The following APP variants were observed in gnomAD, a reference collection of about 807,000 sequenced individuals.
APP encodes amyloid beta precursor protein, also known as amyloid-beta precursor protein.
Under a neutral mutation model 101.4 loss-of-function variants are expected in APP, and 31 were observed. The observed-to-expected ratio is 0.31, with a 90% CI of 0.23 to 0.41. The LOEUF (loss-of-function observed/expected upper bound fraction) is 0.41. Ranked by LOEUF, APP falls within the 10% of genes least tolerant of loss-of-function variation. The pLI is 1.00. For missense variants in APP, 839 were observed against 1,003.7 expected, an observed-to-expected ratio of 0.84 and a Z score of 2.22; for synonymous variants, 366 against 364.4, an observed-to-expected ratio of 1.00 and a Z score of -0.05.
At chr21:26,101,346 C>A (rs1398833455) in intron 2 of APP, among the ~76,000 whole-genome samples, 1 of 152,108 alleles carries the variant, frequency 6.6e-6, no homozygotes, top group African/African-American at 2.4e-5. Context: ...ACCAGCCCGA[C>A]TCGGCCTCCC....
At chr21:26,004,213 T>C (rs899999508) in intron 6 of APP, among the ~76,000 whole-genome samples, 28 of 151,890 alleles carry the variant, frequency 1.8e-4, no homozygotes, top group Non-Finnish European at 1.0e-4. Context: ...GGGATTAATG[T>C]CAATTTAATA....
intron 1 of APP, among the ~76,000 whole-genome samples, chr21:26,161,151 CAAACA>C (rs1301147864): frequency 6.6e-6 from 1 of 152,030 alleles, no homozygotes; most frequent in Non-Finnish European, 1.5e-5. Flanking sequence ...CATGAGTGAT[CAAACA>C]AATTACTGTA....
At chr21:26,007,728 C>G (rs964140353) in intron 6 of APP, among the ~76,000 whole-genome samples, 4 of 151,920 alleles carry the variant, frequency 2.6e-5, no homozygotes, top group African/African-American at 9.7e-5. Flanking sequence ...AAAGCCAACA[C>G]AATAGAAAAC....
intron 11 of APP, among the ~76,000 whole-genome samples, chr21:25,956,149 G>T (rs1417635177): frequency 6.6e-6 from 1 of 152,110 alleles, no homozygotes; most frequent in Non-Finnish European, 1.5e-5. Context: ...GAAGACCAGA[G>T]GTAATGTCAC....
At chr21:26,009,874 C>T in intron 6 of APP, 1 of 172,250 alleles carries the variant, frequency 5.8e-6, no homozygotes, top group Middle Eastern at 5.0e-4. Context: ...CAGCATGAGC[C>T]ATCGTGCCTG....
At chr21:26,106,082 G>A (rs1010193180) in intron 2 of APP, among the ~76,000 whole-genome samples, 8 of 152,176 alleles carry the variant, frequency 5.3e-5, no homozygotes, top group Admixed American at 5.2e-4. Context: ...AATGCCCATG[G>A]GCAGAACAAA....
chr21:26,123,644 A>C (rs2062621097), intron 1 of APP, among the ~76,000 whole-genome samples: 1 of 152,192 alleles, frequency 6.6e-6, no homozygotes. Flanking sequence ...CAGGAACCAC[A>C]ATACTAGGAG....
intron 1 of APP, among the ~76,000 whole-genome samples, chr21:26,126,870 C>T (rs915828131): frequency 2.0e-5 from 3 of 151,940 alleles, no homozygotes; most frequent in African/African-American, 7.3e-5. Context: ...ATTGGTTGAA[C>T]CAAACAGAGT....
chr21:26,166,278 T>C (rs2063605675), intron 1 of APP, among the ~76,000 whole-genome samples: 1 of 152,182 alleles, frequency 6.6e-6, no homozygotes, highest in South Asian at 2.1e-4. Flanking sequence ...TTCTGGGGTG[T>C]GCTCATTCCT....
chr21:26,125,059 G>A (rs1005291122), intron 1 of APP, among the ~76,000 whole-genome samples: 4 of 152,236 alleles, frequency 2.6e-5, no homozygotes, highest in African/African-American at 9.6e-5. Flanking sequence ...CTTGGAGAAG[G>A]AGAAGGAAGG....
chr21:26,111,047 C>T (rs761988857), intron 2 of APP, among the ~76,000 whole-genome samples: 5 of 120,248 alleles, frequency 4.2e-5, no homozygotes, highest in South Asian at 5.0e-4. Flanking sequence ...AAGATCTCCA[C>T]GAAATGACAA....
At chr21:25,951,087 G>C (rs1055650294) in intron 13 of APP, among the ~76,000 whole-genome samples, 5 of 152,014 alleles carry the variant, frequency 3.3e-5, no homozygotes, top group African/African-American at 1.2e-4. Context: ...GAAGTTAGTG[G>C]GAAAGTAGCA....
intron 1 of APP, among the ~76,000 whole-genome samples, chr21:26,128,861 T>A (rs1220941946): frequency 6.6e-6 from 1 of 152,142 alleles, no homozygotes; most frequent in Non-Finnish European, 1.5e-5. Flanking sequence ...ACTAAGAGAT[T>A]TGAAATGGAT....
At chr21:26,170,366 G>A (rs2063718698) in intron 1 of APP, among the ~76,000 whole-genome samples, 198 bp downstream of exon 1, 1 of 152,146 alleles carries the variant, frequency 6.6e-6, no homozygotes, top group South Asian at 2.1e-4. Flanking sequence ...CCTCTCAGCG[G>A]GCCGGAGCGC....
intron 5 of APP, among the ~76,000 whole-genome samples, chr21:26,022,548 G>T (rs926084719): frequency 6.6e-6 from 1 of 152,016 alleles, no homozygotes; most frequent in African/African-American, 2.4e-5. Flanking sequence ...CCATACTAAG[G>T]CAAAATGTTA....
chr21:26,131,136 G>A (rs1316126871), intron 1 of APP, among the ~76,000 whole-genome samples: 4 of 152,092 alleles, frequency 2.6e-5, no homozygotes, highest in Non-Finnish European at 5.9e-5. Flanking sequence ...GGCTGAGGCA[G>A]GAGAATCGCT....
At chr21:26,005,806 TA>T (rs1291079366) in intron 6 of APP, among the ~76,000 whole-genome samples, 2 of 152,216 alleles carry the variant, frequency 1.3e-5, no homozygotes, top group African/African-American at 4.8e-5. Flanking sequence ...CATTAATTAC[TA>T]TTATCACTCA....
In APP at chr21:26,000,192, G is replaced by A; in HGVS notation, c.866-10C>T. 1 of 1,614,132 alleles carries A rather than the reference G, an allele frequency of 6.2e-7. No homozygotes were observed. Among genetic ancestry groups the A allele is most frequent in the Non-Finnish European group, 8.5e-7 (1 of 1,179,980 alleles). On this transcript the variant is annotated splice_polypyrimidine_tract_variant and intron_variant, in intron 6 of 17. Coordinates refer to ENST00000346798, the MANE Select transcript of APP (RefSeq NM_000484.4). ...TGTTCAGAGCACACCTCTAATCAGA[G>A]GAGATGTGGGGAACCACATTTAGCA...
Position 26,111,982 on chromosome 21 carries a change from T to C in APP, c.222A>G (p.Gln74=). 1 of 1,614,084 alleles carries C rather than the reference T, an allele frequency of 6.2e-7. No individual in the cohort carries two copies. The highest frequency in any genetic ancestry group is 8.5e-7 in the Non-Finnish European group (1 of 1,179,978). The stretch of plus-strand genomic sequence containing the variant: ...CTAGCCACCGGACAGGACTTACTTC[T>C]TGGCAATACTGCAGGATGCCTTCCT... ...DTKEGILQYC[Q]EVYPELQITN... Residue 74 remains glutamine, a synonymous_variant, in exon 2 of 18, where the codon CAA becomes CAG. Transcript: ENST00000346798.
Sources: gnomAD v4.1 joint callset for allele counts (sites outside exome capture counted in the v4.1 genomes callset) on GRCh38, gnomAD v4.1.1 for gene constraint, MANE v1.5 for transcripts, NCBI Gene and HGNC (gene_info 2026-07-23, HGNC 2026-07-21) for gene names.